NDUFA11: variants seen among roughly 807,000 people sequenced by gnomAD.
NDUFA11 encodes the protein NADH:ubiquinone oxidoreductase subunit A11.
NDUFA11 carries 14 observed loss-of-function variants against 11.3 expected under a neutral mutation model. That is an observed-to-expected ratio of 1.24 (90% CI 0.82 to 1.94). The LOEUF (loss-of-function observed/expected upper bound fraction) is 1.94. NDUFA11 is among the 30% of genes most tolerant of loss of function. The pLI is 0.00. For missense variants in NDUFA11, 204 were observed against 200.3 expected (o/e 1.02, Z -0.11); for synonymous variants, 87 against 85.6 (o/e 1.02, Z -0.09).
rs187580364 is a variant in NDUFA11, at chr19:5,898,485, G to C, written c.98-1488C>G. Among the ~76,000 whole-genome samples the C allele has an allele frequency of 2.0e-5, 3 of 152,190 alleles. No individual in the cohort carries two copies. In the South Asian group the frequency reaches 6.2e-4, roughly 31 times the overall value. ...CACAGATGGGGAAACTGAGACCCAG[G>C]ATGCAGAGAAAGGGACCACATATAA... On this transcript the variant is annotated intron_variant, in intron 1 of 3. Coordinates refer to ENST00000308961, the MANE Select transcript of NDUFA11 (RefSeq NM_175614.5).
At chr19:5,895,104 C>T (rs1344296409) in intron 3 of NDUFA11, 6 of 532,120 alleles carry the variant, frequency 1.1e-5, no homozygotes. Flanking sequence ...CCGCCCCACA[C>T]TGACTTCCCC....
Position 5,896,955 on chromosome 19 carries a change from C to G in NDUFA11, c.140G>C (p.Gly47Ala). The G allele has an allele frequency of 6.2e-7, 1 of 1,614,070 alleles. No individual in the cohort carries two copies. The change falls in exon 2 of 4, where the codon GGC becomes GCC. Residue 47 changes from glycine (G) to alanine (A), a missense_variant. By Grantham distance (60) the Gly-to-Ala change is moderately conservative (BLOSUM62 0). Transcript: ENST00000308961. This position sits in a 1 kb window ranked among gnomAD's most constrained non-coding sequence, Gnocchi z 5.8. ...AAYRVTLNPP[G>A]TFLEGVAKVG... ...CTTAGCCACTCCTTCAAGGAAGGTG[C>G]CCGGAGGATTGAGTGTGACTCTGTA...
Position 5,896,367 on chromosome 19 carries a change from G to T in NDUFA11, c.313+86C>A. 1 of 1,385,578 alleles carries T rather than the reference G, an allele frequency of 7.2e-7. No individual in the cohort carries two copies. The highest frequency in any genetic ancestry group is 1.5e-5 in the African/African-American group (1 of 68,338). The allele number at this position is 1,385,578 out of a possible 1,614,324, so 85.8% of individuals were successfully genotyped here. A position where few individuals can be genotyped will look rare whatever the true frequency, so the allele number is the denominator to read the frequency against. Reference sequence around the variant, plus strand: ...GCTGCTTTACTTCTTGTCCGGGATGGAACAGAGAGGGTGGAGGATGAGCAG... The same window carrying T: ...GCTGCTTTACTTCTTGTCCGGGATGTAACAGAGAGGGTGGAGGATGAGCAG... On this transcript the variant is annotated intron_variant, in intron 3 of 3. Coordinates refer to ENST00000308961, the MANE Select transcript of NDUFA11 (RefSeq NM_175614.5). The surrounding 1 kb of genome is among the most constrained non-coding windows in gnomAD (Gnocchi z 5.8).
chr19:5,893,576 C>T (rs990803775), downstream of NDUFA11, among the ~76,000 whole-genome samples: 11 of 152,114 alleles, frequency 7.2e-5, no homozygotes, highest in African/African-American at 2.7e-4. The surrounding 1 kb of genome is among the most constrained non-coding windows in gnomAD (Gnocchi z 4.1). Flanking sequence ...GCTGAGATTA[C>T]AGGCTCAAAC....
Position 5,900,692 on chromosome 19 carries a change from C to T in NDUFA11, c.97+2920G>A, listed in dbSNP as rs147256754. Among the ~76,000 whole-genome samples, 928 of 152,164 alleles carry T rather than the reference C, an allele frequency of 6.1e-3. 4 individuals are homozygous for T. Among genetic ancestry groups the T allele is most frequent in the Non-Finnish European group, 8.6e-3 (583 of 67,966 alleles). On this transcript the variant is annotated intron_variant, in intron 1 of 3. Transcript: ENST00000308961. ...CAGCACTTTGGGAGGCCAAGGCGGG[C>T]GGATCACCTGAGGTCAGGAGGTTGA...
downstream of NDUFA11, chr19:5,893,068 C>A (rs932807149): frequency 6.5e-7 from 1 of 1,536,080 alleles, no homozygotes; most frequent in African/African-American, 1.4e-5. This position sits in a 1 kb window ranked among gnomAD's most constrained non-coding sequence, Gnocchi z 4.1. Flanking sequence ...CGGAAGTGGA[C>A]GTGACCCTGA....
chr19:5,900,518 G>A (rs558049252), intron 1 of NDUFA11, among the ~76,000 whole-genome samples: 9 of 152,334 alleles, frequency 5.9e-5, no homozygotes, highest in Admixed American at 5.9e-4. Context: ...TCCCTCAGAT[G>A]AGAAGTGAGG....
downstream of NDUFA11, chr19:5,892,758 TCGAGTGGATGCGATGCCCG>T (rs1356338111): frequency 3.5e-5 from 35 of 991,680 alleles, no homozygotes; most frequent in Admixed American, 6.3e-4. Context: ...GCCGGTGCCC[TCGAGTGGATGCGATGCCCG>T]TGAGTGGATG....
chr19:5,903,487 C>G (rs1205805181), intron 1 of NDUFA11, 125 bp downstream of exon 1: 2 of 913,206 alleles, frequency 2.2e-6, no homozygotes, highest in African/African-American at 1.7e-5. Flanking sequence ...GCCCAAGACA[C>G]CCCGATGACA....
At chr19:5,899,172 TAG>T (rs1199520640) in intron 1 of NDUFA11, among the ~76,000 whole-genome samples, 2 of 149,226 alleles carry the variant, frequency 1.3e-5, no homozygotes, top group African/African-American at 4.9e-5. Flanking sequence ...TTTCTTGAGA[TAG>T]AGTCTCGCTC....
Position 5,903,615 on chromosome 19 carries a change from C to G in NDUFA11, c.94G>C (p.Ala32Pro). Residue 32 changes from alanine (A) to proline (P), a missense_variant, in exon 1 of 4, where the codon GCT becomes CCT. Physicochemically the swap from Ala to Pro is conservative, Grantham distance 27 (BLOSUM62 -1). Transcript: ENST00000308961. ...AYSTTSIASV[A>P]GLTAAAYRVT... The stretch of plus-strand genomic sequence containing the variant: ...TCGGGGCCCGGCCGGCGCTCACCAG[C>G]GACGCTGGCAATACTGGTGGTGCTG... 3 of 1,550,626 alleles carry G rather than the reference C, an allele frequency of 1.9e-6. No individual in the cohort carries two copies. The South Asian group carries it at 3.6e-5, about 18-fold the overall frequency.
At chr19:5,893,952 T>C (rs2057592207), downstream of NDUFA11, among the ~76,000 whole-genome samples, 1 of 152,132 alleles carries the variant, frequency 6.6e-6, no homozygotes, top group Non-Finnish European at 1.5e-5. The surrounding 1 kb of genome is among the most constrained non-coding windows in gnomAD (Gnocchi z 4.1). Context: ...CGCCCTAATT[T>C]GCAGCCCACC....
At chr19:5,895,389 G>A (rs1444101699) in intron 3 of NDUFA11, 3 of 157,656 alleles carry the variant, frequency 1.9e-5, no homozygotes, top group Admixed American at 6.1e-5. Flanking sequence ...GAGACAGGGA[G>A]GCTGGCTTGG....
At chr19:5,901,793 CTGAG>C (rs1450733248) in intron 1 of NDUFA11, among the ~76,000 whole-genome samples, 1 of 151,594 alleles carries the variant, frequency 6.6e-6, no homozygotes, top group African/African-American at 2.4e-5. Context: ...CCTCAGCCTC[CTGAG>C]TATCTGGGAC....
chr19:5,901,244 G>T, intron 1 of NDUFA11: 1 of 1,159,474 alleles, frequency 8.6e-7, no homozygotes, highest in Non-Finnish European at 1.1e-6. Context: ...TCTCTCACAT[G>T]AACACCAACA....
intron 1 of NDUFA11, among the ~76,000 whole-genome samples, chr19:5,901,771 G>A (rs537798469): frequency 2.6e-5 from 4 of 151,262 alleles, no homozygotes; most frequent in East Asian, 1.9e-4. Flanking sequence ...CCAGGTTCAC[G>A]CCATTCTCCT....
At chr19:5,902,083 C>G (rs1262846436) in intron 1 of NDUFA11, among the ~76,000 whole-genome samples, 1 of 151,748 alleles carries the variant, frequency 6.6e-6, no homozygotes, top group Non-Finnish European at 1.5e-5. Context: ...TCACGCCATT[C>G]TCCTGCCTCA....
In NDUFA11 at chr19:5,896,570, C is replaced by G. The variant is rs767332823; in HGVS notation, c.196G>C (p.Val66Leu). 6.4e-7 allele frequency: 1 copy of G among 1,565,416 alleles called. No individual in the cohort carries two copies. The highest frequency in any genetic ancestry group is 8.7e-7 in the Non-Finnish European group (1 of 1,155,752). The change falls in exon 3 of 4, where the codon GTC becomes CTC. Residue 66 changes from valine to leucine, a missense_variant. Transcript: ENST00000308961. This position sits in a 1 kb window ranked among gnomAD's most constrained non-coding sequence, Gnocchi z 5.8. Reference protein sequence around the residue: ...VGQYTFTAAAVGAVFGLTTCI... With the variant: ...VGQYTFTAAALGAVFGLTTCI... Reference sequence around the variant, plus strand: ...GTGGTGAGGCCAAACACGGCCCCGACAGCAGCTGCGGGGTAGACGGGAAGA... The same window carrying G: ...GTGGTGAGGCCAAACACGGCCCCGAGAGCAGCTGCGGGGTAGACGGGAAGA...
At chr19:5,901,739 G>C (rs1599696857) in intron 1 of NDUFA11, among the ~76,000 whole-genome samples, 1 of 150,440 alleles carries the variant, frequency 6.6e-6, no homozygotes, top group Admixed American at 6.6e-5. Context: ...GCGCAATCTC[G>C]GCTCACTGCA....
Sources: gnomAD v4.1 joint callset for allele counts (sites outside exome capture counted in the v4.1 genomes callset) on GRCh38, gnomAD v4.1.1 for gene constraint, Gnocchi (gnomAD v3.1) non-coding constraint, MANE v1.5 for transcripts, NCBI Gene and HGNC (gene_info 2026-07-23, HGNC 2026-07-21) for gene names.